The following INPP4A variants were observed in gnomAD, a reference collection of about 807,000 sequenced individuals.
INPP4A encodes the protein inositol polyphosphate-4-phosphatase type I A.
Under a neutral mutation model 119.8 loss-of-function variants are expected in INPP4A, and 33 were observed. The ratio of observed to expected loss-of-function variants is 0.28; its 90% CI spans 0.21 to 0.37. The LOEUF (loss-of-function observed/expected upper bound fraction) is 0.37, where lower values mean the gene tolerates loss of function less well. INPP4A is among the 10% of genes least tolerant of loss of function. The pLI, the probability that INPP4A is intolerant of heterozygous loss-of-function variation, is 1.00. For missense variants in INPP4A, 956 were observed against 1,289.9 expected, an observed-to-expected ratio of 0.74 and a Z score of 3.97; for synonymous variants, 496 against 500.7, an observed-to-expected ratio of 0.99 and a Z score of 0.12.
intron 1 of INPP4A, among the ~76,000 whole-genome samples, chr2:98,453,848 TGACA>T (rs756882607): frequency 5.3e-5 from 8 of 152,190 alleles, no homozygotes; most frequent in African/African-American, 9.6e-5. Context: ...ACAGCCACAC[TGACA>T]GACAGGAGAG....
chr2:98,446,473 A>G (rs752304220), intron 1 of INPP4A, among the ~76,000 whole-genome samples: 66 of 150,630 alleles, frequency 4.4e-4, no homozygotes, highest in Non-Finnish European at 7.5e-4. Flanking sequence ...TGTCTGTCCC[A>G]GGGGTGGCGT....
intron 1 of INPP4A, among the ~76,000 whole-genome samples, chr2:98,495,691 C>T (rs4850877): frequency 0.24 from 36,961 of 152,130 alleles, 4,638 homozygotes; most frequent in Middle Eastern, 0.35. Flanking sequence ...AAGTTATTAC[C>T]TGAAGACCTG....
At chr2:98,528,589 G>C (rs1006087423) in intron 4 of INPP4A, among the ~76,000 whole-genome samples, 7 of 152,194 alleles carry the variant, frequency 4.6e-5, no homozygotes, top group African/African-American at 1.7e-4. Context: ...AACTCAAAGA[G>C]ATCCACACTT....
At chr2:98,559,619 C>A (rs1404074060) in intron 17 of INPP4A, 124 bp downstream of exon 17, 15 of 1,045,216 alleles carry the variant, frequency 1.4e-5, no homozygotes, top group Admixed American at 4.8e-5. Flanking sequence ...TCCAGGACCT[C>A]CTTCGTTGTG....
intron 5 of INPP4A, among the ~76,000 whole-genome samples, chr2:98,535,015 C>T (rs909966940): frequency 2.6e-5 from 4 of 152,178 alleles, no homozygotes; most frequent in African/African-American, 9.7e-5. Context: ...GCAGCCCACC[C>T]AGGTGGAGCT....
intron 1 of INPP4A, among the ~76,000 whole-genome samples, chr2:98,511,927 A>G (rs1469694454): frequency 6.6e-6 from 1 of 152,208 alleles, no homozygotes; most frequent in Non-Finnish European, 1.5e-5. Flanking sequence ...AGCGCAAGCA[A>G]AGTACCGTGG....
chr2:98,564,871 A>C (rs1298039425), intron 19 of INPP4A, 108 bp downstream of exon 19: 1 of 1,319,314 alleles, frequency 7.6e-7, no homozygotes, highest in Non-Finnish European at 1.0e-6. Context: ...TATTGAAATA[A>C]ATCCAAAATA....
At position 98,539,093 on chromosome 2, in the gene INPP4A, G is replaced by C; in HGVS notation, c.670+112G>C. ...ATTGTCCCAGCCATGCACCCTAATTGTCACCTCTCTGCTGCTTATCATTGT... is the reference window on the plus strand; with the variant it reads ...ATTGTCCCAGCCATGCACCCTAATTCTCACCTCTCTGCTGCTTATCATTGT... On this transcript the variant is annotated intron_variant, in intron 9 of 24. Transcript: ENST00000409851. 4 of 600,030 alleles carry C rather than the reference G, an allele frequency of 6.7e-6. No homozygotes were observed. In the East Asian group the frequency reaches 1.1e-4, roughly 17 times the overall value. 37.2% of individuals were successfully genotyped at this position (600,030 alleles called of 1,614,324 possible). A position where few individuals can be genotyped will look rare whatever the true frequency, so the allele number is the denominator to read the frequency against.
At chr2:98,581,692 A>G (rs751885410) in intron 24 of INPP4A, 72 of 1,612,330 alleles carry the variant, frequency 4.5e-5, no homozygotes, top group Non-Finnish European at 5.9e-5. Context: ...CTGAGCCCCA[A>G]TTTACTGATT....
chr2:98,567,764 C>T (rs766301256), intron 21 of INPP4A, among the ~76,000 whole-genome samples: 3 of 152,172 alleles, frequency 2.0e-5, no homozygotes, highest in Admixed American at 6.5e-5. Flanking sequence ...GGGGAGGCCA[C>T]AGGCCCAGAG....
At chr2:98,457,283 T>G (rs769394863) in intron 1 of INPP4A, among the ~76,000 whole-genome samples, 2 of 152,184 alleles carry the variant, frequency 1.3e-5, no homozygotes, top group African/African-American at 4.8e-5. Context: ...CTTAGTGGCA[T>G]GCACCTGGTG....
rs1166615849 is a variant in INPP4A at position 98,588,162 on chromosome 2, C to T, written c.*554C>T. ...TGAATTATCCTATCTACACTACCACCTGAAGAAGTTGAAAGAAAGATTGAT... is the reference window on the plus strand; with the variant it reads ...TGAATTATCCTATCTACACTACCACTTGAAGAAGTTGAAAGAAAGATTGAT... On this transcript the variant is annotated 3_prime_UTR_variant, in exon 25 of 25. Coordinates refer to ENST00000409851, the MANE Select transcript of INPP4A (RefSeq NM_001134225.2). 1 of 211,882 alleles carries T rather than the reference C, an allele frequency of 4.7e-6. No homozygotes were observed. The highest frequency in any genetic ancestry group is 9.6e-6 in the Non-Finnish European group (1 of 104,688). 13.1% of individuals were successfully genotyped at this position (211,882 alleles called of 1,614,324 possible). A position where few individuals can be genotyped will look rare whatever the true frequency, so the allele number is the denominator to read the frequency against.
chr2:98,476,165 A>G (rs961879998), intron 1 of INPP4A, among the ~76,000 whole-genome samples: 1 of 152,240 alleles, frequency 6.6e-6, no homozygotes. Flanking sequence ...GAAGATTCAC[A>G]TTGTAGAAAC....
chr2:98,577,232 C>G, intron 24 of INPP4A, 89 bp downstream of exon 24: 2 of 1,329,804 alleles, frequency 1.5e-6, no homozygotes, highest in Middle Eastern at 2.6e-4. Flanking sequence ...CCTGCAGGGC[C>G]TACCCTGCAT....
chr2:98,456,045 T>C (rs902497429), intron 1 of INPP4A, among the ~76,000 whole-genome samples: 1 of 152,208 alleles, frequency 6.6e-6, no homozygotes, highest in Non-Finnish European at 1.5e-5. Context: ...CCAGCCCTTG[T>C]CATTTTCCCA....
rs1696952963 is a variant in INPP4A at position 98,568,900 on chromosome 2, C to T, written c.2518+232C>T. The T allele has an allele frequency of 6.3e-6, 3 of 477,976 alleles. No individual in the cohort carries two copies. In the East Asian group the frequency reaches 1.1e-4, roughly 17 times the overall value. 29.6% of individuals were successfully genotyped at this position (477,976 alleles called of 1,614,324 possible). A position where few individuals can be genotyped will look rare whatever the true frequency, so the allele number is the denominator to read the frequency against. ...TCTACTAGCCTATGTGACATGGCTCCTTCCCATGCTGTCGTAGTCACTGAC... is the reference window on the plus strand; with the variant it reads ...TCTACTAGCCTATGTGACATGGCTCTTTCCCATGCTGTCGTAGTCACTGAC... On this transcript the variant is annotated intron_variant, in intron 22 of 24. Transcript: ENST00000409851.
chr2:98,529,608 C>T (rs1015952326), intron 4 of INPP4A, among the ~76,000 whole-genome samples: 3 of 151,932 alleles, frequency 2.0e-5, no homozygotes, highest in African/African-American at 4.8e-5. Flanking sequence ...TGGTGGTGGG[C>T]GCCTGTAGTC....
At chr2:98,510,075 GC>G (rs1684840261) in intron 1 of INPP4A, among the ~76,000 whole-genome samples, 1 of 152,238 alleles carries the variant, frequency 6.6e-6, no homozygotes, top group Admixed American at 6.5e-5. Flanking sequence ...AGGTTCACAG[GC>G]CCCGTCATTG....
At chr2:98,460,137 T>TGTGTGTG in intron 1 of INPP4A, among the ~76,000 whole-genome samples, 1 of 144,272 alleles carries the variant, frequency 6.9e-6, no homozygotes, top group African/African-American at 2.9e-5. Flanking sequence ...GTGTGTATGT[T>TGTGTGTG]TAAAATTAAA....
Sources: gnomAD v4.1 joint callset for allele counts (sites outside exome capture counted in the v4.1 genomes callset) on GRCh38, gnomAD v4.1.1 for gene constraint, MANE v1.5 for transcripts, NCBI Gene and HGNC (gene_info 2026-07-23, HGNC 2026-07-21) for gene names.